ADNP: variants seen among roughly 807,000 people sequenced by gnomAD.
ADNP encodes activity-dependent neuroprotector homeobox protein.
ADNP carries 4 observed loss-of-function variants against 84.9 expected under a neutral mutation model. The ratio of observed to expected loss-of-function variants is 0.05; its 90% CI spans 0.02 to 0.11. The LOEUF (loss-of-function observed/expected upper bound fraction) is 0.11, where lower values mean the gene tolerates loss of function less well. Among genes scored for constraint, ADNP ranks in the 10% least tolerant of loss-of-function variants. The pLI is 1.00. For synonymous variants in ADNP, 554 were observed against 468.1 expected (o/e 1.18, Z -2.37); for missense variants, 1,132 against 1,326.0 (o/e 0.85, Z 2.27).
chr20:50,922,161 G>A (rs1451160724), intron 2 of ADNP, among the ~76,000 whole-genome samples: 5 of 152,162 alleles, frequency 3.3e-5, no homozygotes, highest in Non-Finnish European at 5.9e-5. Flanking sequence ...CACAGAAGTC[G>A]TGAAGTTGTC....
intron 3 of ADNP, 193 bp downstream of exon 3, chr20:50,904,573 A>G (rs1054777227): frequency 9.2e-5 from 14 of 152,256 alleles, no homozygotes; most frequent in Admixed American, 7.8e-4. Flanking sequence ...GTACTCTCTG[A>G]TTTTCCCAGT....
chr20:50,919,871 T>C (rs916100678), intron 2 of ADNP, among the ~76,000 whole-genome samples: 2 of 152,102 alleles, frequency 1.3e-5, no homozygotes, highest in African/African-American at 4.8e-5. Flanking sequence ...AGGGTGAGGA[T>C]AGGATGGGGA....
In ADNP at chr20:50,890,732, T is replaced by C. The variant is rs1980604977; in HGVS notation, c.*673A>G. 6.1e-6 allele frequency: 1 copy of C among 163,396 alleles called. No homozygotes were observed. The highest frequency in any genetic ancestry group is 2.0e-4 in the South Asian group (1 of 5,004). 10.1% of individuals were successfully genotyped at this position (163,396 alleles called of 1,614,324 possible). A position where few individuals can be genotyped will look rare whatever the true frequency, so the allele number is the denominator to read the frequency against. On this transcript the variant is annotated 3_prime_UTR_variant, in exon 6 of 6. Coordinates refer to ENST00000621696, the MANE Select transcript of ADNP (RefSeq NM_001282531.3). ...TACAAGAGAGTCCAGATATATATCT[T>C]ACGTGGCTGGCCTCTGTTGCAAGAT...
chr20:50,891,202 C>T lies in ADNP; in HGVS notation c.*203G>A, dbSNP rs568100438. On this transcript the variant is annotated 3_prime_UTR_variant, in exon 6 of 6. Transcript: ENST00000621696. ...TTATTGGTTTTTCACATTTAGTTAC[C>T]GTGTCTGTCAGAGAAGGTTCTGAAG... 1.7e-5 allele frequency: 22 copies of T among 1,315,986 alleles called. No homozygotes were observed. Among genetic ancestry groups the T allele is most frequent in the African/African-American group, 1.5e-4 (10 of 66,240 alleles). The allele number at this position is 1,315,986 out of a possible 1,614,324, so 81.5% of individuals were successfully genotyped here.
intron 2 of ADNP, among the ~76,000 whole-genome samples, chr20:50,906,586 A>T (rs1982493798): frequency 6.6e-6 from 1 of 152,234 alleles, no homozygotes; most frequent in Non-Finnish European, 1.5e-5. Flanking sequence ...TGGGGTCATT[A>T]GTCTATAGAA....
At chr20:50,898,621 G>A (rs1194252006) in intron 5 of ADNP, among the ~76,000 whole-genome samples, 3 of 152,142 alleles carry the variant, frequency 2.0e-5, no homozygotes, top group Admixed American at 6.5e-5. Flanking sequence ...CTCCACCTTC[G>A]TAGTCCTTAA....
chr20:50,890,780 CTA>C lies in ADNP; in HGVS notation c.*623_*624del, dbSNP rs1980610744. The C allele has an allele frequency of 2.9e-6, 1 of 339,398 alleles. No homozygotes were observed. The highest frequency in any genetic ancestry group is 4.2e-6 in the Non-Finnish European group (1 of 239,280). The allele number at this position is 339,398 out of a possible 1,614,324, so 21.0% of individuals were successfully genotyped here. Reference sequence around the variant, plus strand: ...GATTGTACAAGGTTATGTGCAAAAACTAAGTCTGTCCAAAAAGTCCATACTAG... The same window carrying C: ...GATTGTACAAGGTTATGTGCAAAAACAGTCTGTCCAAAAAGTCCATACTAG... On this transcript the variant is annotated 3_prime_UTR_variant, in exon 6 of 6. Coordinates refer to ENST00000621696, the MANE Select transcript of ADNP (RefSeq NM_001282531.3).
chr20:50,896,215 A>C (rs1446386989), intron 5 of ADNP, among the ~76,000 whole-genome samples: 1 of 151,872 alleles, frequency 6.6e-6, no homozygotes, highest in African/African-American at 2.4e-5. Context: ...ACACAGCGAG[A>C]CTCCGTCTCA....
chr20:50,896,520 T>C (rs138075146), intron 5 of ADNP, among the ~76,000 whole-genome samples: 2,638 of 151,948 alleles, frequency 0.017, 68 homozygotes, highest in African/African-American at 0.061. Flanking sequence ...GATCGTGCCA[T>C]TGCACTCCAG....
rs770111155 is a variant in ADNP at position 50,893,580 on chromosome 20, A to G, written c.1134T>C (p.Tyr378=). ...GGGACCTCTGCTCTGACCCAAGCCC[A>G]TAAGACCTTCCGTTTCCACTTGGAA... The part of the protein sequence containing the change: ...QLLPSGNGRS[Y]GLGSEQRSQA... Residue 378 remains tyrosine, a synonymous_variant, in exon 6 of 6, where the codon TAT becomes TAC. Coordinates refer to ENST00000621696, the MANE Select transcript of ADNP (RefSeq NM_001282531.3). The surrounding 1 kb of genome is among the most constrained non-coding windows in gnomAD (Gnocchi z 4.4). The G allele has an allele frequency of 1.9e-5, 30 of 1,614,044 alleles. No homozygotes were observed. The highest frequency in any genetic ancestry group is 1.6e-4 in the Middle Eastern group (1 of 6,084).
rs1982027787 is a variant in ADNP, at chr20:50,901,942, C to T, written c.201+75G>A. On this transcript the variant is annotated intron_variant, in intron 5 of 5. Coordinates refer to ENST00000621696, the MANE Select transcript of ADNP (RefSeq NM_001282531.3). ...GCACTTGCCCGCAATCACTGCACCG[C>T]TATAAAAGGCCTAGAGCTGAAAAGG... The T allele has an allele frequency of 3.6e-6, 4 of 1,111,452 alleles. No individual in the cohort carries two copies. In the South Asian group the frequency reaches 5.1e-5, roughly 14 times the overall value. 68.8% of individuals were successfully genotyped at this position (1,111,452 alleles called of 1,614,324 possible). A position where few individuals can be genotyped will look rare whatever the true frequency, so the allele number is the denominator to read the frequency against.
intron 2 of ADNP, among the ~76,000 whole-genome samples, chr20:50,910,392 G>A (rs971018898): frequency 6.6e-6 from 1 of 152,122 alleles, no homozygotes; most frequent in African/African-American, 2.4e-5. Flanking sequence ...CATGTTAGAG[G>A]GCCGAGTTCA....
Position 50,907,197 on chromosome 20 carries a change from CGTGATCCGCCCATCTT to C in ADNP, c.-89-2364_-89-2349del, listed in dbSNP as rs745376114. On this transcript the variant is annotated intron_variant, in intron 2 of 5. Coordinates refer to ENST00000621696, the MANE Select transcript of ADNP (RefSeq NM_001282531.3). ...AGCCAGGATGGTCTTGATCTGACCTCGTGATCCGCCCATCTTGTGATCCGCCCATCTCAGCCTCCCA... is the reference window on the plus strand; with the variant it reads ...AGCCAGGATGGTCTTGATCTGACCTCGTGATCCGCCCATCTCAGCCTCCCA... Among the ~76,000 whole-genome samples the C allele has an allele frequency of 1.5e-4, 23 of 151,530 alleles. 1 individual carries two copies. The highest frequency in any genetic ancestry group is 1.5e-3 in the South Asian group (7 of 4,780).
rs543778121 is a variant in ADNP, at chr20:50,907,739, C to T, written c.-89-2890G>A. ...GGACTACAGGTGCACACTACCTAGA[C>T]GCCTGGCTATATTTTGTGTGTGTGT... On this transcript the variant is annotated intron_variant, in intron 2 of 5. Transcript: ENST00000621696. Among the ~76,000 whole-genome samples the T allele has an allele frequency of 4.1e-5, 6 of 147,132 alleles. No homozygotes were observed. The South Asian group carries it at 8.5e-4, about 21-fold the overall frequency.
chr20:50,901,320 TTA>T (rs1491491598), intron 5 of ADNP, among the ~76,000 whole-genome samples: 2 of 49,870 alleles, frequency 4.0e-5, no homozygotes, highest in Non-Finnish European at 4.5e-5. Context: ...CCTGGGGTAT[TTA>T]AAAAAAAAAA....
intron 2 of ADNP, among the ~76,000 whole-genome samples, chr20:50,918,779 G>T (rs529210423): frequency 6.6e-6 from 1 of 152,176 alleles, no homozygotes; most frequent in Admixed American, 6.5e-5. Flanking sequence ...AAGAGGAGAG[G>T]TCCTGGGAAA....
At chr20:50,916,307 G>A (rs552493371) in intron 2 of ADNP, among the ~76,000 whole-genome samples, 3 of 152,254 alleles carry the variant, frequency 2.0e-5, no homozygotes, top group Non-Finnish European at 2.9e-5. Context: ...GTAAGAGGGC[G>A]CACAAAATCC....
At chr20:50,906,052 AAT>A (rs1982444559) in intron 2 of ADNP, among the ~76,000 whole-genome samples, 3 of 152,182 alleles carry the variant, frequency 2.0e-5, no homozygotes, top group African/African-American at 7.2e-5. Flanking sequence ...CTCTACTAAA[AAT>A]ACAAAAAATT....
chr20:50,906,970 TTTTTTG>T (rs1357874897), intron 2 of ADNP, among the ~76,000 whole-genome samples: 6 of 94,006 alleles, frequency 6.4e-5, no homozygotes, highest in African/African-American at 1.3e-4. Flanking sequence ...CCAGTTTTTT[TTTTTTG>T]TTTTTTTTTT....
Sources: gnomAD v4.1 joint callset for allele counts (sites outside exome capture counted in the v4.1 genomes callset) on GRCh38, gnomAD v4.1.1 for gene constraint, Gnocchi (gnomAD v3.1) non-coding constraint, MANE v1.5 for transcripts, NCBI Gene and HGNC (gene_info 2026-07-23, HGNC 2026-07-21) for gene names.